Variants in NLGN1 observed in about 807,000 individuals in gnomAD.
NLGN1 encodes the protein neuroligin 1, also known as neuroligin-1.
In NLGN1, 12 loss-of-function variants were observed where a neutral mutation model predicts 65.5. The observed-to-expected ratio is 0.18, with a 90% CI of 0.12 to 0.30. NLGN1 has a LOEUF of 0.30. Among genes scored for constraint, NLGN1 ranks in the 10% least tolerant of loss-of-function variants. The pLI is 1.00. For missense variants in NLGN1, 750 were observed against 1,007.1 expected (o/e 0.74, Z 3.46); for synonymous variants, 350 against 359.5 (o/e 0.97, Z 0.30).
chr3:173,568,862 G>C (rs1169305147), intron 2 of NLGN1, among the ~76,000 whole-genome samples: 1 of 152,012 alleles, frequency 6.6e-6, no homozygotes, highest in African/African-American at 2.4e-5. Flanking sequence ...TGTATTTTTA[G>C]TAGAGACGGG....
intron 4 of NLGN1, among the ~76,000 whole-genome samples, chr3:174,186,784 G>A (rs1013583841): frequency 9.9e-5 from 15 of 151,952 alleles, no homozygotes; most frequent in African/African-American, 3.6e-4. Context: ...TGTTCTAAGT[G>A]CTTTAAAGGA....
At chr3:173,499,662 C>T (rs571677506) in intron 2 of NLGN1, among the ~76,000 whole-genome samples, 5 of 151,896 alleles carry the variant, frequency 3.3e-5, no homozygotes, top group East Asian at 1.9e-4. Flanking sequence ...GCCATTTTCA[C>T]GATATTGTTT....
chr3:173,430,486 A>T (rs931522283), intron 1 of NLGN1, among the ~76,000 whole-genome samples: 1 of 152,212 alleles, frequency 6.6e-6, no homozygotes, highest in Non-Finnish European at 1.5e-5. Flanking sequence ...TTTTGGAAAA[A>T]TGTCACAGAA....
intron 4 of NLGN1, among the ~76,000 whole-genome samples, chr3:174,225,125 G>A (rs980590595): frequency 6.6e-6 from 1 of 152,156 alleles, no homozygotes; most frequent in African/African-American, 2.4e-5. Context: ...TGTGAAGACT[G>A]AGATATTAGT....
intron 3 of NLGN1, among the ~76,000 whole-genome samples, chr3:173,619,049 A>G (rs540119643): frequency 3.3e-5 from 5 of 152,272 alleles, no homozygotes; most frequent in Non-Finnish European, 5.9e-5. Flanking sequence ...TTTTTGAACA[A>G]AGTATCCTGC....
chr3:173,586,602 ATTTC>A (rs941365275), intron 2 of NLGN1, among the ~76,000 whole-genome samples: 3 of 152,216 alleles, frequency 2.0e-5, no homozygotes, highest in Admixed American at 6.5e-5. Flanking sequence ...AAAGGTAGAT[ATTTC>A]TTATTTCAGT....
chr3:173,966,059 A>G (rs1321900489), intron 4 of NLGN1, among the ~76,000 whole-genome samples: 5 of 152,164 alleles, frequency 3.3e-5, no homozygotes, highest in African/African-American at 7.2e-5. Flanking sequence ...TGCCTTCTTT[A>G]TAAGAATGAA....
chr3:174,037,350 A>T (rs929437928), intron 4 of NLGN1, among the ~76,000 whole-genome samples: 2 of 152,166 alleles, frequency 1.3e-5, no homozygotes, highest in Non-Finnish European at 2.9e-5. Context: ...TTTCTGTTTA[A>T]AAACTAAATA....
At chr3:173,504,161 T>C (rs1731619066) in intron 2 of NLGN1, among the ~76,000 whole-genome samples, 1 of 152,090 alleles carries the variant, frequency 6.6e-6, no homozygotes, top group African/African-American at 2.4e-5. Context: ...ATTTTTATCT[T>C]TGTTTCTGTT....
chr3:173,743,769 T>C (rs1052729769), intron 3 of NLGN1, among the ~76,000 whole-genome samples: 1 of 152,112 alleles, frequency 6.6e-6, no homozygotes, highest in Non-Finnish European at 1.5e-5. Context: ...GAACTCTGGA[T>C]GGGGTTCCCC....
intron 4 of NLGN1, among the ~76,000 whole-genome samples, chr3:174,002,108 A>G (rs1319730148): frequency 6.7e-6 from 1 of 149,346 alleles, no homozygotes; most frequent in Admixed American, 6.7e-5. Context: ...TGAGACTCTT[A>G]TGGGGAAGGA....
chr3:174,140,455 A>G (rs754142818), intron 4 of NLGN1, among the ~76,000 whole-genome samples: 35 of 152,156 alleles, frequency 2.3e-4, no homozygotes, highest in Non-Finnish European at 4.7e-4. Flanking sequence ...AGTATTTTAT[A>G]TGAATTATTT....
At chr3:173,834,737 G>A (rs1468098914) in intron 4 of NLGN1, among the ~76,000 whole-genome samples, 3 of 152,170 alleles carry the variant, frequency 2.0e-5, no homozygotes, top group African/African-American at 7.2e-5. Context: ...TGGTCACAGA[G>A]TTAGGAGGAG....
chr3:173,454,576 G>A (rs1722203747), intron 2 of NLGN1, among the ~76,000 whole-genome samples: 1 of 145,930 alleles, frequency 6.9e-6, no homozygotes, highest in Non-Finnish European at 1.5e-5. Context: ...TGTTATGGAG[G>A]ACATCTTCTT....
intron 4 of NLGN1, among the ~76,000 whole-genome samples, chr3:174,197,362 A>G (rs1340769044): frequency 6.6e-6 from 1 of 152,126 alleles, no homozygotes; most frequent in Non-Finnish European, 1.5e-5. Flanking sequence ...TTGGTGGAAG[A>G]GGAAAAATAA....
At chr3:173,937,266 C>CT in intron 4 of NLGN1, among the ~76,000 whole-genome samples, 1 of 151,884 alleles carries the variant, frequency 6.6e-6, no homozygotes, top group Admixed American at 6.6e-5. Flanking sequence ...TGCATAGGTA[C>CT]TTTTTTTTCT....
intron 4 of NLGN1, among the ~76,000 whole-genome samples, chr3:174,122,212 G>A (rs1717927071): frequency 6.6e-6 from 1 of 152,134 alleles, no homozygotes; most frequent in Non-Finnish European, 1.5e-5. Flanking sequence ...TAAAAACATA[G>A]TAAGTTGTTC....
intron 3 of NLGN1, chr3:173,685,526 C>T: frequency 2.7e-6 from 1 of 365,230 alleles, no homozygotes; most frequent in Non-Finnish European, 3.8e-6. Context: ...CACTGTTGTA[C>T]CTCAGCCCCT....
chr3:174,165,623 T>A (rs1727345616), intron 4 of NLGN1, among the ~76,000 whole-genome samples: 2 of 151,932 alleles, frequency 1.3e-5, no homozygotes, highest in Admixed American at 6.6e-5. Flanking sequence ...AGGATTTTCA[T>A]GTCTATGCCT....
Sources: gnomAD v4.1 joint callset for allele counts (sites outside exome capture counted in the v4.1 genomes callset) on GRCh38, gnomAD v4.1.1 for gene constraint, MANE v1.5 for transcripts, NCBI Gene and HGNC (gene_info 2026-07-23, HGNC 2026-07-21) for gene names.